The following RBFOX1 variants were observed in gnomAD, a reference collection of about 807,000 sequenced individuals.
RBFOX1 encodes the protein RNA binding protein fox-1 homolog 1.
A neutral mutation model predicts 57.7 loss-of-function variants in RBFOX1; 8 were observed. The observed-to-expected ratio is 0.14, with a 90% CI of 0.08 to 0.25. RBFOX1 has a LOEUF of 0.25. Ranked by LOEUF, RBFOX1 falls within the 10% of genes least tolerant of loss-of-function variation. RBFOX1 has a pLI of 1.00. For missense variants in RBFOX1, 611 were observed against 548.5 expected, an observed-to-expected ratio of 1.11 and a Z score of -1.14; for synonymous variants, 326 against 222.4, an observed-to-expected ratio of 1.47 and a Z score of -4.15.
chr16:6,840,093 T>A (rs962891040), intron 3 of RBFOX1, among the ~76,000 whole-genome samples: 3 of 152,298 alleles, frequency 2.0e-5, no homozygotes, highest in African/African-American at 7.2e-5. Flanking sequence ...TGCTGATCAG[T>A]ACTACTGAAT....
At chr16:7,077,011 C>T (rs1379595859) in intron 4 of RBFOX1, among the ~76,000 whole-genome samples, 3 of 152,206 alleles carry the variant, frequency 2.0e-5, no homozygotes, top group African/African-American at 4.8e-5. Context: ...TGGGCAAAGA[C>T]ATCCATCTGA....
intron 4 of RBFOX1, among the ~76,000 whole-genome samples, chr16:7,404,068 A>ATTTTATTTTG: frequency 6.7e-6 from 1 of 148,264 alleles, no homozygotes; most frequent in East Asian, 2.0e-4. Context: ...ATTTTATTTT[A>ATTTTATTTTG]TTGAGACGGA....
intron 4 of RBFOX1, among the ~76,000 whole-genome samples, chr16:7,254,554 G>C (rs1371629173): frequency 6.6e-6 from 1 of 150,908 alleles, no homozygotes; most frequent in East Asian, 1.9e-4. Context: ...TTCTCTAACT[G>C]TACCAACTCA....
At chr16:6,027,963 A>G (rs1470438996) in intron 1 of RBFOX1, among the ~76,000 whole-genome samples, 2 of 152,150 alleles carry the variant, frequency 1.3e-5, no homozygotes, top group African/African-American at 2.4e-5. Context: ...GCAGAGAGAA[A>G]CACTAATTTA....
chr16:6,977,301 ATTAT>A (rs2087285693), intron 3 of RBFOX1, among the ~76,000 whole-genome samples: 1 of 151,662 alleles, frequency 6.6e-6, no homozygotes, highest in South Asian at 2.1e-4. Context: ...AATTTTCTTA[ATTAT>A]TGTGTTTTGC....
intron 4 of RBFOX1, among the ~76,000 whole-genome samples, chr16:7,246,683 C>T (rs1002251168): frequency 2.9e-5 from 4 of 139,780 alleles, no homozygotes; most frequent in African/African-American, 8.1e-5. Flanking sequence ...ATTATTCCTT[C>T]CCTTTCCTCC....
chr16:7,647,344 G>C (rs1351559865), intron 11 of RBFOX1, among the ~76,000 whole-genome samples: 1 of 152,186 alleles, frequency 6.6e-6, no homozygotes, highest in East Asian at 1.9e-4. Context: ...TTGTGTTGTA[G>C]TGATACCAGA....
chr16:7,329,951 C>G (rs886539058), intron 4 of RBFOX1, among the ~76,000 whole-genome samples: 3 of 152,152 alleles, frequency 2.0e-5, no homozygotes, highest in Non-Finnish European at 4.4e-5. Context: ...TGTCCCTTAA[C>G]ATTTGGCACT....
chr16:6,505,633 C>T (rs1171531590), intron 2 of RBFOX1, among the ~76,000 whole-genome samples: 1 of 152,088 alleles, frequency 6.6e-6, no homozygotes, highest in African/African-American at 2.4e-5. Context: ...TGATTTAATC[C>T]TCAAGAACTC....
At chr16:7,195,304 CT>C (rs1159898463) in intron 4 of RBFOX1, among the ~76,000 whole-genome samples, 5 of 152,176 alleles carry the variant, frequency 3.3e-5, no homozygotes, top group African/African-American at 1.2e-4. Flanking sequence ...CAAAATAAGG[CT>C]TCTTGTGAAA....
At chr16:7,565,805 C>T (rs916583978) in intron 5 of RBFOX1, among the ~76,000 whole-genome samples, 2 of 151,974 alleles carry the variant, frequency 1.3e-5, no homozygotes, top group African/African-American at 4.8e-5. Context: ...GAGTTTTGTG[C>T]ATGGAGGGGA....
At chr16:6,495,041 C>T (rs1328649557) in intron 2 of RBFOX1, among the ~76,000 whole-genome samples, 1 of 152,188 alleles carries the variant, frequency 6.6e-6, no homozygotes, top group Non-Finnish European at 1.5e-5. Context: ...CAGTCATCAC[C>T]ACTTAGAGGT....
intron 3 of RBFOX1, among the ~76,000 whole-genome samples, chr16:6,802,100 T>A (rs573471248): frequency 9.5e-4 from 144 of 152,150 alleles, no homozygotes; most frequent in African/African-American, 3.2e-3. Context: ...CCTAAACAAG[T>A]CCTGTTAAGA....
At chr16:6,527,681 CTGGAGAGCCTG>C (rs147903137) in intron 2 of RBFOX1, among the ~76,000 whole-genome samples, 2,330 of 152,238 alleles carry the variant, frequency 0.015, 69 homozygotes, top group African/African-American at 0.053. Context: ...TTTAAGGAGA[CTGGAGAGCCTG>C]TGGTTTATCC....
chr16:6,110,195 C>CTTTTTT (rs3049169), intron 1 of RBFOX1, among the ~76,000 whole-genome samples: 2 of 128,238 alleles, frequency 1.6e-5, no homozygotes, highest in East Asian at 2.2e-4. Flanking sequence ...TTTTCTTCTT[C>CTTTTTT]TTTTTTTTTT....
At chr16:7,049,114 A>C (rs1043017991) in intron 3 of RBFOX1, among the ~76,000 whole-genome samples, 3 of 152,148 alleles carry the variant, frequency 2.0e-5, no homozygotes, top group Non-Finnish European at 4.4e-5. Flanking sequence ...TGATTTTCCC[A>C]AATTATTTTC....
chr16:6,823,689 T>G (rs778696767), intron 3 of RBFOX1, among the ~76,000 whole-genome samples: 16 of 152,188 alleles, frequency 1.1e-4, no homozygotes, highest in Non-Finnish European at 1.5e-4. Context: ...CTTCTTCCCT[T>G]TTTCATTCAT....
intron 4 of RBFOX1, among the ~76,000 whole-genome samples, chr16:7,402,859 C>T (rs150538195): frequency 1.2e-4 from 18 of 152,270 alleles, no homozygotes; most frequent in Non-Finnish European, 2.6e-4. Context: ...GGGGACATCA[C>T]CTAACTCATT....
chr16:6,990,323 G>C (rs1245878874), intron 3 of RBFOX1, among the ~76,000 whole-genome samples: 2 of 152,022 alleles, frequency 1.3e-5, no homozygotes, highest in Admixed American at 6.5e-5. Flanking sequence ...TCAGGAGTTC[G>C]AGACCAGCCT....
Sources: gnomAD v4.1 joint callset for allele counts (sites outside exome capture counted in the v4.1 genomes callset) on GRCh38, gnomAD v4.1.1 for gene constraint, MANE v1.5 for transcripts, NCBI Gene and HGNC (gene_info 2026-07-23, HGNC 2026-07-21) for gene names.